Variants in PARD3B observed in about 807,000 individuals in gnomAD.
The protein encoded by PARD3B is par-3 family cell polarity regulator beta.
Under a neutral mutation model 130.2 loss-of-function variants are expected in PARD3B, and 103 were observed. The ratio of observed to expected loss-of-function variants is 0.79; its 90% CI spans 0.67 to 0.93. The LOEUF (loss-of-function observed/expected upper bound fraction) is 0.93. PARD3B is among the 40% of genes least tolerant of loss of function. The pLI is 0.00. For missense variants in PARD3B, 1,609 were observed against 1,499.2 expected (o/e 1.07, Z -1.21); for synonymous variants, 583 against 553.2 (o/e 1.05, Z -0.76).
intron 1 of PARD3B, among the ~76,000 whole-genome samples, chr2:204,597,996 T>C (rs760100794): frequency 2.6e-5 from 4 of 152,302 alleles, no homozygotes; most frequent in African/African-American, 7.2e-5. Flanking sequence ...ATTATTGTTA[T>C]GTGTAAGAGC....
At chr2:205,136,053 T>G (rs1030626003) in intron 10 of PARD3B, among the ~76,000 whole-genome samples, 2 of 152,336 alleles carry the variant, frequency 1.3e-5, no homozygotes, top group African/African-American at 4.8e-5. Context: ...ACGAGTTCAA[T>G]GATGTTTCCT....
intron 18 of PARD3B, among the ~76,000 whole-genome samples, chr2:205,368,099 A>T (rs745758429): frequency 9.2e-5 from 14 of 152,218 alleles, no homozygotes; most frequent in Non-Finnish European, 1.9e-4. Context: ...ATTAAAATTC[A>T]AAAGTTTGAA....
At chr2:204,683,262 G>A (rs2036923502) in intron 1 of PARD3B, among the ~76,000 whole-genome samples, 1 of 152,092 alleles carries the variant, frequency 6.6e-6, no homozygotes, top group South Asian at 2.1e-4. Context: ...TAATTTAAAA[G>A]CTATGTGTAC....
chr2:204,775,136 G>C (rs1336657151), intron 2 of PARD3B, among the ~76,000 whole-genome samples: 1 of 151,986 alleles, frequency 6.6e-6, no homozygotes, highest in Admixed American at 6.6e-5. Context: ...TGATTTTGTT[G>C]GGTAACTTAA....
At chr2:205,127,296 CAAAAAAAAAA>C (rs34822432) in intron 10 of PARD3B, among the ~76,000 whole-genome samples, 1 of 100,656 alleles carries the variant, frequency 9.9e-6, no homozygotes, top group African/African-American at 4.0e-5. Context: ...GACTCTGTCT[CAAAAAAAAAA>C]AAAAAAAAGG....
chr2:205,154,229 G>A (rs1285554875), intron 10 of PARD3B, among the ~76,000 whole-genome samples: 2 of 152,182 alleles, frequency 1.3e-5, no homozygotes, highest in Admixed American at 6.5e-5. Context: ...ATCCAAAAGT[G>A]GGTGAAGGAT....
intron 19 of PARD3B, among the ~76,000 whole-genome samples, chr2:205,410,586 C>T (rs1014574762): frequency 5.3e-5 from 8 of 152,026 alleles, no homozygotes; most frequent in Non-Finnish European, 1.0e-4. Flanking sequence ...AAAAAATTTG[C>T]GTAAATAAAA....
intron 3 of PARD3B, among the ~76,000 whole-genome samples, chr2:205,034,479 A>G (rs7580880): frequency 0.99 from 150,182 of 152,274 alleles, 74,084 homozygotes; most frequent in Middle Eastern, 1. Context: ...GATGTATCCA[A>G]AATGCCTGGA....
chr2:205,162,110 A>G (rs887162390), intron 11 of PARD3B, among the ~76,000 whole-genome samples: 2 of 152,094 alleles, frequency 1.3e-5, no homozygotes. Flanking sequence ...CTAATAGAGG[A>G]TGTAAATCTC....
At chr2:205,389,332 G>A (rs1464521045) in intron 18 of PARD3B, among the ~76,000 whole-genome samples, 1 of 152,086 alleles carries the variant, frequency 6.6e-6, no homozygotes, top group African/African-American at 2.4e-5. Context: ...CTATGAAAGA[G>A]TACATACAAA....
chr2:205,339,764 C>T (rs986921634), intron 18 of PARD3B, among the ~76,000 whole-genome samples: 1 of 152,062 alleles, frequency 6.6e-6, no homozygotes, highest in African/African-American at 2.4e-5. Flanking sequence ...TAAGAACATG[C>T]AACAAGGACA....
At chr2:204,885,011 G>T (rs937905283) in intron 2 of PARD3B, among the ~76,000 whole-genome samples, 1 of 152,150 alleles carries the variant, frequency 6.6e-6, no homozygotes, top group Non-Finnish European at 1.5e-5. Flanking sequence ...GGATTGCTGG[G>T]TCAAATGATA....
rs1298378321 is a variant in PARD3B, at chr2:205,572,987, G to A, written c.3260+19584G>A. 6.6e-6 allele frequency among the ~76,000 whole-genome samples: 1 copy of A among 152,170 alleles called. No individual in the cohort carries two copies. Among genetic ancestry groups the A allele is most frequent in the Non-Finnish European group, 1.5e-5 (1 of 68,012 alleles). ...TCAGGAAACTTACAGTCATGGTAGA[G>A]GGGAAGCAAACAGATCCTTCTTCAC... On this transcript the variant is annotated intron_variant, in intron 22 of 22. Coordinates refer to ENST00000406610, the MANE Select transcript of PARD3B (RefSeq NM_001302769.2). The surrounding 1 kb of genome is among the most constrained non-coding windows in gnomAD (Gnocchi z 4.2).
At chr2:204,815,602 A>G (rs895100379) in intron 2 of PARD3B, among the ~76,000 whole-genome samples, 2 of 151,916 alleles carry the variant, frequency 1.3e-5, no homozygotes, top group African/African-American at 4.8e-5. Context: ...CTTTGTGAAG[A>G]GGTCATTGAT....
chr2:205,109,625 C>T (rs923931441), intron 5 of PARD3B, among the ~76,000 whole-genome samples: 35 of 147,368 alleles, frequency 2.4e-4, no homozygotes, highest in Admixed American at 1.8e-3. Context: ...TTAAAGCCAA[C>T]AACTCTAATA....
chr2:205,158,817 G>A lies in PARD3B; in HGVS notation c.1530G>A (p.Gly510=). 6.2e-7 allele frequency: 1 copy of A among 1,614,112 alleles called. No homozygotes were observed. The highest frequency in any genetic ancestry group is 8.5e-7 in the Non-Finnish European group (1 of 1,180,012). Reference sequence around the variant, plus strand: ...ATGATTCAGGTTCTGCTGGCCTCGGGGTGAGCTTAAAAGGGAACAAATCCA... The same window carrying A: ...ATGATTCAGGTTCTGCTGGCCTCGGAGTGAGCTTAAAAGGGAACAAATCCA... ...PLNDSGSAGL[G]VSLKGNKSRE... Residue 510 remains glycine (G), a synonymous_variant, in exon 11 of 23, where the codon GGG becomes GGA. Transcript: ENST00000406610. This position sits in a 1 kb window ranked among gnomAD's most constrained non-coding sequence, Gnocchi z 5.4.
In PARD3B at chr2:205,140,773, T is replaced by C. The variant is rs79425014; in HGVS notation, c.1434+15036T>C. On this transcript the variant is annotated intron_variant, in intron 10 of 22. Coordinates refer to ENST00000406610, the MANE Select transcript of PARD3B (RefSeq NM_001302769.2). ...CACATTAGTAAATGATTTGTACTTA[T>C]TCATAAATCTAGAATTTTTCATTCT... Among the ~76,000 whole-genome samples, 7 of 152,344 alleles carry C rather than the reference T, an allele frequency of 4.6e-5. No individual in the cohort carries two copies. In the East Asian group the frequency reaches 1.2e-3, roughly 25 times the overall value.
chr2:205,105,246 A>G lies in PARD3B; in HGVS notation c.593+732A>G, dbSNP rs769928024. On this transcript the variant is annotated intron_variant, in intron 5 of 22. Transcript: ENST00000406610. This position sits in a 1 kb window ranked among gnomAD's most constrained non-coding sequence, Gnocchi z 4.0. ...GGGTATTAAATGAGTTAATACATGT[A>G]GACCATTTTGCACAGTGTTGTGGTT... is the stretch of plus-strand genomic sequence containing the variant. Among the ~76,000 whole-genome samples the G allele has an allele frequency of 2.4e-4, 37 of 152,316 alleles. No homozygotes were observed. In the Middle Eastern group the frequency reaches 0.014, roughly 56 times the overall value.
At chr2:205,106,341 G>T (rs1703211619) in intron 5 of PARD3B, among the ~76,000 whole-genome samples, 1 of 151,884 alleles carries the variant, frequency 6.6e-6, no homozygotes, top group African/African-American at 2.4e-5. Flanking sequence ...CAGAGACAGG[G>T]TTTCTCCATG....
Sources: gnomAD v4.1 joint callset for allele counts (sites outside exome capture counted in the v4.1 genomes callset) on GRCh38, gnomAD v4.1.1 for gene constraint, Gnocchi (gnomAD v3.1) non-coding constraint, MANE v1.5 for transcripts, NCBI Gene and HGNC (gene_info 2026-07-23, HGNC 2026-07-21) for gene names.